Variants in PCDHA6 observed in about 807,000 individuals in gnomAD.
PCDHA6 encodes protocadherin alpha 6, also known as protocadherin alpha-6.
Under a neutral mutation model 60.3 loss-of-function variants are expected in PCDHA6, and 55 were observed. The observed-to-expected ratio is 0.91, with a 90% CI of 0.73 to 1.14. The LOEUF (loss-of-function observed/expected upper bound fraction) is 1.14. Ranked by LOEUF, PCDHA6 falls within the 50% of genes most tolerant of loss-of-function variation. The probability of loss-of-function intolerance (pLI) is 0.00; values close to 1 mark genes in which losing one functional copy is unlikely to be tolerated. For synonymous variants in PCDHA6, 652 were observed against 557.9 expected, an observed-to-expected ratio of 1.17 and a Z score of -2.38; for missense variants, 1,327 against 1,256.5, an observed-to-expected ratio of 1.06 and a Z score of -0.85.
intron 1 of PCDHA6, chr5:140,926,870 G>A: frequency 6.6e-7 from 1 of 1,524,514 alleles, no homozygotes; most frequent in South Asian, 1.3e-5. Context: ...CGTGTTGGTG[G>A]AACGTGGACG....
Position 141,010,149 on chromosome 5 carries a change from C to T in PCDHA6, c.*212C>T. 6.3e-7 allele frequency: 1 copy of T among 1,580,088 alleles called. No individual in the cohort carries two copies. Among genetic ancestry groups the T allele is most frequent in the Non-Finnish European group, 8.6e-7 (1 of 1,161,942 alleles). On this transcript the variant is annotated 3_prime_UTR_variant, in exon 4 of 4. Transcript: ENST00000529310. ...GTCTGGTGTTAACTCTTTCTCTCCA[C>T]TCTGGCTTGTTTTCAGAACCTAAAA...
intron 1 of PCDHA6, among the ~76,000 whole-genome samples, chr5:140,953,493 A>G (rs959606912): frequency 8.5e-5 from 13 of 152,108 alleles, no homozygotes; most frequent in Non-Finnish European, 1.5e-5. Flanking sequence ...CACAACCTTG[A>G]TCAGCTATTA....
intron 1 of PCDHA6, chr5:140,835,703 C>T (rs2150242433): frequency 2.5e-6 from 4 of 1,613,784 alleles, no homozygotes; most frequent in African/African-American, 2.7e-5. Flanking sequence ...CCACTGCTAG[C>T]GTGTCCGTGG....
At chr5:140,841,271 G>A (rs1554138054) in intron 1 of PCDHA6, 2 of 1,532,504 alleles carry the variant, frequency 1.3e-6, no homozygotes, top group Admixed American at 2.1e-5. Context: ...AAGTACAGTC[G>A]TTCATCTTTA....
intron 1 of PCDHA6, chr5:140,877,314 G>C (rs2057020187): frequency 6.2e-7 from 1 of 1,613,972 alleles, no homozygotes; most frequent in Non-Finnish European, 8.5e-7. Flanking sequence ...TGCAACCGGC[G>C]GCGGTCGGCG....
chr5:140,948,426 G>A (rs1301925814), intron 1 of PCDHA6, among the ~76,000 whole-genome samples: 1 of 151,446 alleles, frequency 6.6e-6, no homozygotes, highest in African/African-American at 2.4e-5. Flanking sequence ...TCTTCCTTCA[G>A]TGAAACATTC....
At chr5:140,901,161 G>A (rs1554189608) in intron 1 of PCDHA6, among the ~76,000 whole-genome samples, 1 of 152,084 alleles carries the variant, frequency 6.6e-6, no homozygotes, top group African/African-American at 2.4e-5. Flanking sequence ...TCTGTGGGTT[G>A]TCTCTTCACT....
chr5:140,977,074 T>C (rs1315038002), intron 1 of PCDHA6, among the ~76,000 whole-genome samples: 1 of 152,244 alleles, frequency 6.6e-6, no homozygotes, highest in Admixed American at 6.5e-5. Flanking sequence ...AATAGCAGCA[T>C]GACAAATTAA....
chr5:140,869,670 T>G, intron 1 of PCDHA6: 1 of 1,613,470 alleles, frequency 6.2e-7, no homozygotes, highest in Non-Finnish European at 8.5e-7. Context: ...GTAAGCAGAT[T>G]AAAAGACTGT....
At chr5:140,907,970 A>C (rs1312755290) in intron 1 of PCDHA6, among the ~76,000 whole-genome samples, 3 of 152,158 alleles carry the variant, frequency 2.0e-5, no homozygotes, top group Admixed American at 2.0e-4. Flanking sequence ...CAATTTTCCA[A>C]TCATGCTTCT....
chr5:140,831,934 C>T (rs1161923837), intron 1 of PCDHA6, among the ~76,000 whole-genome samples: 1 of 152,026 alleles, frequency 6.6e-6, no homozygotes, highest in African/African-American at 2.4e-5. Context: ...ACTAGTTTTC[C>T]GAAGAGGAAA....
rs1158255259 is a variant in PCDHA6, at chr5:140,838,075, ATAGTGTGTGTGTGTGTGTGT to A, written c.2394+7591_2394+7610del. 3.0e-3 allele frequency among the ~76,000 whole-genome samples: 387 copies of A among 128,240 alleles called. 6 individuals carry two copies. The highest frequency in any genetic ancestry group is 2.7e-3 in the South Asian group (10 of 3,754). 84.1% of individuals were successfully genotyped at this position (128,240 alleles called of 152,430 possible). A position where few individuals can be genotyped will look rare whatever the true frequency, so the allele number is the denominator to read the frequency against. ...GTTTTCCACTTTAAGTTATATATAT[ATAGTGTGTGTGTGTGTGTGT>A]GTGTGTGTGTGTGTGTGTGTGTGTG... On this transcript the variant is annotated intron_variant, in intron 1 of 3. Transcript: ENST00000529310.
At chr5:140,883,547 G>GC in intron 1 of PCDHA6, 5 of 1,614,234 alleles carry the variant, frequency 3.1e-6, no homozygotes, top group Non-Finnish European at 3.4e-6. Context: ...GGTGGTGACC[G>GC]CGCGGGACGG....
chr5:140,927,838 G>C, intron 1 of PCDHA6: 1 of 1,614,210 alleles, frequency 6.2e-7, no homozygotes, highest in Non-Finnish European at 8.5e-7. Context: ...GAGGGACGAA[G>C]GTGTCTTTGG....
At chr5:140,844,657 C>A (rs1252310311) in intron 1 of PCDHA6, among the ~76,000 whole-genome samples, 1 of 149,150 alleles carries the variant, frequency 6.7e-6, no homozygotes, top group Non-Finnish European at 1.5e-5. Context: ...TCTTGCAAAC[C>A]AAACATATAA....
At chr5:140,986,673 A>G (rs782404000) in intron 3 of PCDHA6, among the ~76,000 whole-genome samples, 2 of 152,168 alleles carry the variant, frequency 1.3e-5, no homozygotes. Context: ...TTTTCAGAAG[A>G]GTTCAGAAAG....
chr5:140,858,506 A>C (rs1581511575), intron 1 of PCDHA6: 1 of 1,447,272 alleles, frequency 6.9e-7, no homozygotes, highest in Non-Finnish European at 9.5e-7. Context: ...CATTTTCTCA[A>C]ATATGTATCA....
intron 1 of PCDHA6, among the ~76,000 whole-genome samples, chr5:140,943,827 A>T (rs1474835023): frequency 2.0e-5 from 3 of 152,208 alleles, no homozygotes; most frequent in Non-Finnish European, 4.4e-5. Flanking sequence ...AAATGAGTTG[A>T]TTGAAGTTGT....
intron 1 of PCDHA6, chr5:140,842,676 C>T (rs2150341725): frequency 6.3e-7 from 1 of 1,595,430 alleles, no homozygotes. Context: ...AACGACAATG[C>T]TCCGGCGTTC....
Sources: gnomAD v4.1 joint callset for allele counts (sites outside exome capture counted in the v4.1 genomes callset) on GRCh38, gnomAD v4.1.1 for gene constraint, MANE v1.5 for transcripts, NCBI Gene and HGNC (gene_info 2026-07-23, HGNC 2026-07-21) for gene names.